AVEN: variants seen among roughly 807,000 people sequenced by gnomAD.
AVEN encodes apoptosis and caspase activation inhibitor.
In AVEN, 41 loss-of-function variants were observed where a neutral mutation model predicts 38.1. That is an observed-to-expected ratio of 1.08 (90% CI 0.84 to 1.40). The LOEUF is 1.40. Ranked by LOEUF, AVEN falls within the 40% of genes most tolerant of loss-of-function variation. The probability of loss-of-function intolerance (pLI) is 0.00; values close to 1 mark genes in which losing one functional copy is unlikely to be tolerated. For synonymous variants in AVEN, 206 were observed against 171.8 expected, an observed-to-expected ratio of 1.20 and a Z score of -1.56; for missense variants, 605 against 438.8, an observed-to-expected ratio of 1.38 and a Z score of -3.38.
At chr15:33,970,900 A>G (rs1435776891) in intron 2 of AVEN, among the ~76,000 whole-genome samples, 1 of 151,918 alleles carries the variant, frequency 6.6e-6, no homozygotes, top group Non-Finnish European at 1.5e-5. Flanking sequence ...CTCCACCCCA[A>G]TTTGGTCCTT....
chr15:33,934,278 T>C (rs907815388), intron 2 of AVEN, among the ~76,000 whole-genome samples: 5 of 152,044 alleles, frequency 3.3e-5, no homozygotes, highest in Admixed American at 6.6e-5. Context: ...GGGGACTCCT[T>C]GAGCCCAGGA....
downstream of AVEN, among the ~76,000 whole-genome samples, chr15:33,855,117 A>G (rs966919685): frequency 2.6e-5 from 4 of 152,366 alleles, no homozygotes; most frequent in South Asian, 2.1e-4. Flanking sequence ...TCTAAAAAGC[A>G]TAAGACCTTG....
intron 2 of AVEN, among the ~76,000 whole-genome samples, chr15:33,978,382 G>A (rs1895983610): frequency 6.6e-6 from 1 of 152,170 alleles, no homozygotes. Context: ...AAAGCGTACA[G>A]GCCGGGCACG....
chr15:33,864,561 A>G (rs1439052777), downstream of AVEN, among the ~76,000 whole-genome samples: 1 of 152,190 alleles, frequency 6.6e-6, no homozygotes, highest in Non-Finnish European at 1.5e-5. Flanking sequence ...TAACGACCTC[A>G]TGTGTGGGTG....
Position 34,063,548 on chromosome 15 carries a change from C to T in AVEN, n.1127-116G>A, listed in dbSNP as rs1453033788. Reference sequence around the variant, plus strand: ...CCTCCTGGTCATCCTCCCGCAGGAGCACCTCCACCACTGGGAAGCCATCCC... The same window carrying T: ...CCTCCTGGTCATCCTCCCGCAGGAGTACCTCCACCACTGGGAAGCCATCCC... On this transcript the variant is annotated intron_variant and non_coding_transcript_variant, in intron 4 of 11. Transcript: ENST00000675287. This position sits in a 1 kb window ranked among gnomAD's most constrained non-coding sequence, Gnocchi z 4.1. The T allele has an allele frequency of 6.2e-7, 1 of 1,613,602 alleles. No individual in the cohort carries two copies. The highest frequency in any genetic ancestry group is 8.5e-7 in the Non-Finnish European group (1 of 1,180,010).
chr15:34,014,965 T>G (rs534306073), intron 1 of AVEN, among the ~76,000 whole-genome samples: 4 of 152,134 alleles, frequency 2.6e-5, no homozygotes, highest in African/African-American at 9.6e-5. Context: ...GGTGCCGGAT[T>G]TGAGAAGCAG....
chr15:34,071,202 T>C (rs757942654), intron 1 of AVEN, among the ~76,000 whole-genome samples: 4 of 152,198 alleles, frequency 2.6e-5, no homozygotes, highest in Admixed American at 1.3e-4. Flanking sequence ...AGTAAAGGAA[T>C]GGGCACCCTT....
chr15:33,926,184 C>T (rs1893600961), intron 2 of AVEN, among the ~76,000 whole-genome samples: 1 of 152,186 alleles, frequency 6.6e-6, no homozygotes, highest in South Asian at 2.1e-4. Context: ...AGCAGCTATT[C>T]AATAACCTGC....
intron 1 of AVEN, among the ~76,000 whole-genome samples, chr15:34,020,688 C>G (rs1898164591): frequency 6.6e-6 from 1 of 152,216 alleles, no homozygotes; most frequent in African/African-American, 2.4e-5. Flanking sequence ...CATATCACAT[C>G]ATTCAAGCCC....
intron 2 of AVEN, among the ~76,000 whole-genome samples, chr15:33,942,177 TAGAG>T (rs1894341109): frequency 6.6e-6 from 1 of 152,192 alleles, no homozygotes; most frequent in South Asian, 2.1e-4. Context: ...TATTACTAAA[TAGAG>T]AAGAAAAAGC....
intron 2 of AVEN, among the ~76,000 whole-genome samples, chr15:33,998,393 A>G (rs1466249044): frequency 6.6e-6 from 1 of 152,158 alleles, no homozygotes; most frequent in Non-Finnish European, 1.5e-5. Context: ...TGGGAAGCCA[A>G]GGCAGGATTG....
intron 2 of AVEN, among the ~76,000 whole-genome samples, chr15:33,961,676 G>T (rs913986890): frequency 2.0e-5 from 3 of 151,562 alleles, no homozygotes; most frequent in Non-Finnish European, 2.9e-5. Context: ...AGCCGGGCGT[G>T]GTGGCGGGCA....
Position 34,063,734 on chromosome 15 carries a change from T to C in AVEN, n.1127-302A>G, listed in dbSNP as rs771648670. On this transcript the variant is annotated intron_variant and non_coding_transcript_variant, in intron 4 of 11. Coordinates refer to the AVEN transcript ENST00000675287. The surrounding 1 kb of genome is among the most constrained non-coding windows in gnomAD (Gnocchi z 4.1). ...AAAGCCCAGGGGAAGAATTCAGTGC[T>C]GAAGAGACTGAGGAAACTTTTGTGA... is the stretch of plus-strand genomic sequence containing the variant. 4 of 1,614,186 alleles carry C rather than the reference T, an allele frequency of 2.5e-6. No homozygotes were observed. Among genetic ancestry groups the C allele is most frequent in the South Asian group, 1.1e-5 (1 of 91,086 alleles).
At chr15:34,059,550 CCTT>C (rs1900268793) in intron 5 of AVEN, among the ~76,000 whole-genome samples, 1 of 152,174 alleles carries the variant, frequency 6.6e-6, no homozygotes, top group Non-Finnish European at 1.5e-5. Flanking sequence ...TCCTGTCCCT[CCTT>C]CTCCTGCCAG....
At chr15:33,866,852 A>ATGAT in intron 5 of AVEN, 124 bp from the exon 6 acceptor site, 2 of 689,586 alleles carry the variant, frequency 2.9e-6, no homozygotes, top group South Asian at 3.8e-5. Flanking sequence ...ACTCCCTAAG[A>ATGAT]TGATACAGTA....
At chr15:34,073,526 T>C (rs1488411529) in intron 1 of AVEN, among the ~76,000 whole-genome samples, 3 of 145,766 alleles carry the variant, frequency 2.1e-5, no homozygotes, top group East Asian at 4.0e-4. Context: ...TTTCTTTTTT[T>C]TTTTTTTTTT....
At position 34,039,076 on chromosome 15, in the gene AVEN, G is replaced by A; in HGVS notation, c.-30C>T. 9.2e-7 allele frequency: 1 copy of A among 1,083,834 alleles called. No individual in the cohort carries two copies. Among genetic ancestry groups the A allele is most frequent in the Non-Finnish European group, 1.1e-6 (1 of 894,268 alleles). The allele number at this position is 1,083,834 out of a possible 1,614,324, so 67.1% of individuals were successfully genotyped here. A position where few individuals can be genotyped will look rare whatever the true frequency, so the allele number is the denominator to read the frequency against. ...CCGCCGCTGGCGGTGCTGAGCGCGC[G>A]GGAGCCGAGCTGCGGCGGAGACGCC... On this transcript the variant is annotated 5_prime_UTR_variant, in exon 1 of 6. Transcript: ENST00000306730.
chr15:33,981,522 TC>T (rs1896143946), intron 2 of AVEN, among the ~76,000 whole-genome samples: 1 of 152,092 alleles, frequency 6.6e-6, no homozygotes, highest in South Asian at 2.1e-4. Flanking sequence ...AACACAAGTT[TC>T]CCAAACAATG....
chr15:34,068,732 T>C (rs1379309782), intron 2 of AVEN, among the ~76,000 whole-genome samples: 1 of 152,188 alleles, frequency 6.6e-6, no homozygotes, highest in Non-Finnish European at 1.5e-5. Flanking sequence ...AGTTGTCATG[T>C]CATGGTTAGA....
Sources: gnomAD v4.1 joint callset for allele counts (sites outside exome capture counted in the v4.1 genomes callset) on GRCh38, gnomAD v4.1.1 for gene constraint, Gnocchi (gnomAD v3.1) non-coding constraint, MANE v1.5 for transcripts, NCBI Gene and HGNC (gene_info 2026-07-23, HGNC 2026-07-21) for gene names.